POLR2J2: variants seen among roughly 807,000 people sequenced by gnomAD.
The protein encoded by POLR2J2 is DNA-directed RNA polymerase II subunit RPB11-b1.
POLR2J2 carries 3 observed loss-of-function variants against 2.8 expected under a neutral mutation model. The ratio of observed to expected loss-of-function variants is 1.05; its 90% CI spans 0.48 to 2.72. POLR2J2 has a LOEUF of 2.72. POLR2J2 is among the 30% of genes most tolerant of loss of function. The probability of loss-of-function intolerance (pLI) is 0.04; values close to 1 mark genes in which losing one functional copy is unlikely to be tolerated. For synonymous variants in POLR2J2, 4 were observed against 10.9 expected (o/e 0.37, Z 1.25); for missense variants, 9 against 27.8 (o/e 0.32, Z 1.52).
At chr7:102,667,659 T>C (rs1343201260) in intron 2 of POLR2J2, among the ~76,000 whole-genome samples, 2 of 151,882 alleles carry the variant, frequency 1.3e-5, no homozygotes, top group African/African-American at 4.8e-5. Flanking sequence ...CTCCCGGCAG[T>C]GAGTGGAATG....
At position 102,668,888 on chromosome 7, in the gene POLR2J2, C is replaced by T. The variant is rs1562819419; in HGVS notation, c.140+27G>A. The T allele has an allele frequency of 7.1e-6, 3 of 423,188 alleles. 1 individual carries two copies. Among genetic ancestry groups the T allele is most frequent in the East Asian group, 1.1e-4 (2 of 17,748 alleles). 26.2% of individuals were successfully genotyped at this position (423,188 alleles called of 1,614,324 possible). A position where few individuals can be genotyped will look rare whatever the true frequency, so the allele number is the denominator to read the frequency against. ...CCAGAGGGGCCCATTAAACATAGCC[C>T]CTGAGAGCCTGTGACGGGAAACTTA... is the stretch of plus-strand genomic sequence containing the variant. On this transcript the variant is annotated intron_variant, in intron 2 of 2. Transcript: ENST00000358438.
intron 2 of POLR2J2, among the ~76,000 whole-genome samples, chr7:102,667,708 C>T (rs1361469607): frequency 8.5e-5 from 13 of 152,122 alleles, no homozygotes; most frequent in African/African-American, 2.7e-4. Flanking sequence ...CAGCCGCCAG[C>T]GGCTGGCCAC....
exon 3 of POLR2J2, chr7:102,666,419 T>TTGAC (rs1290742944): frequency 1.8e-5 from 1 of 54,068 alleles, no homozygotes; most frequent in African/African-American, 6.5e-5. Context: ...GATTGATTGA[T>TTGAC]TGACTGAGAT....
rs1198538448 is a variant in POLR2J2, at chr7:102,669,006, T to C, written c.51-2A>G. On this transcript the variant is annotated splice_acceptor_variant, in intron 1 of 2. Transcript: ENST00000358438. LOFTEE classifies it high-confidence loss of function. ...TTGGTGTCCTTGTTAATGGTGATCCTAGGAAGACACAGAGGCCACAGATGA... is the reference window on the plus strand; with the variant it reads ...TTGGTGTCCTTGTTAATGGTGATCCCAGGAAGACACAGAGGCCACAGATGA... 16 of 436,564 alleles carry C rather than the reference T, an allele frequency of 3.7e-5. 1 individual carries two copies. Among genetic ancestry groups the C allele is most frequent in the Non-Finnish European group, 5.7e-5 (16 of 279,256 alleles). 27.0% of individuals were successfully genotyped at this position (436,564 alleles called of 1,614,324 possible). A position where few individuals can be genotyped will look rare whatever the true frequency, so the allele number is the denominator to read the frequency against.
At chr7:102,667,753 G>A (rs1206204351) in intron 2 of POLR2J2, among the ~76,000 whole-genome samples, 1 of 152,398 alleles carries the variant, frequency 6.6e-6, no homozygotes, top group African/African-American at 2.4e-5. Flanking sequence ...GCTGCGTCGC[G>A]TACTGTGCCC....
chr7:102,671,633 T>G (rs200198649), upstream of POLR2J2: 76 of 926,740 alleles, frequency 8.2e-5, 3 homozygotes, highest in African/African-American at 3.3e-4. Flanking sequence ...AGACCCCAAG[T>G]GTCCGCCACC....
chr7:102,667,752 C>T (rs376593350), intron 2 of POLR2J2, among the ~76,000 whole-genome samples: 6,520 of 119,248 alleles, frequency 0.055, 1 homozygote, highest in Middle Eastern at 0.092. Context: ...GGCTGCGTCG[C>T]GTACTGTGCC....
chr7:102,671,343 C>A (rs1792081204), intron 1 of POLR2J2: 1 of 321,134 alleles, frequency 3.1e-6, no homozygotes, highest in African/African-American at 2.6e-5. Flanking sequence ...GGGCAACTTG[C>A]TCGCCTCCAA....
Position 102,668,714 on chromosome 7 carries a change from C to G in POLR2J2, c.140+201G>C, listed in dbSNP as rs1447876919. Among the ~76,000 whole-genome samples, 3 of 103,458 alleles carry G rather than the reference C, an allele frequency of 2.9e-5. 1 individual carries two copies. Among genetic ancestry groups the G allele is most frequent in the African/African-American group, 9.9e-5 (3 of 30,270 alleles). The allele number at this position is 103,458 out of a possible 152,430, so 67.9% of individuals were successfully genotyped here. ...GCACGTGTTCATCTACAGAATAAGC[C>G]ACTACAGAAGTGTGGCTTATGTGAA... On this transcript the variant is annotated intron_variant, in intron 2 of 2. Transcript: ENST00000358438.
At chr7:102,667,803 C>T (rs1218366626) in intron 2 of POLR2J2, among the ~76,000 whole-genome samples, 47 of 151,894 alleles carry the variant, frequency 3.1e-4, no homozygotes, top group Non-Finnish European at 5.3e-4. Context: ...CTCAGAGTGG[C>T]GTGAGCACCA....
chr7:102,668,014 G>A (rs2133563482), intron 2 of POLR2J2, among the ~76,000 whole-genome samples: 1 of 150,376 alleles, frequency 6.6e-6, no homozygotes, highest in African/African-American at 2.4e-5. Context: ...AGAGGGAAGA[G>A]CCAAGTCTAC....
intron 1 of POLR2J2, 117 bp downstream of exon 1, chr7:102,671,435 G>C: frequency 1.3e-6 from 1 of 744,406 alleles, no homozygotes; most frequent in Non-Finnish European, 2.0e-6. Context: ...CACAGGCCGA[G>C]CAGACGATCA....
intron 2 of POLR2J2, among the ~76,000 whole-genome samples, chr7:102,667,590 CA>C (rs1792042591): frequency 8.4e-6 from 1 of 119,560 alleles, no homozygotes; most frequent in Non-Finnish European, 1.8e-5. Flanking sequence ...GACTCAGACC[CA>C]AAAAGCCCAC....
At chr7:102,667,791 G>A (rs1437413059) in intron 2 of POLR2J2, among the ~76,000 whole-genome samples, 2 of 152,264 alleles carry the variant, frequency 1.3e-5, no homozygotes, top group South Asian at 2.1e-4. Flanking sequence ...CCTCTAGAGC[G>A]GCTCAGAGTG....
chr7:102,671,333 G>A (rs1469640939), intron 1 of POLR2J2: 1 of 240,082 alleles, frequency 4.2e-6, no homozygotes, highest in African/African-American at 2.8e-5. Context: ...CCTGTGTCCG[G>A]GGCAACTTGC....
intron 2 of POLR2J2, among the ~76,000 whole-genome samples, chr7:102,668,008 G>C (rs1287310692): frequency 6.7e-6 from 1 of 150,300 alleles, no homozygotes; most frequent in Non-Finnish European, 1.5e-5. Flanking sequence ...GGCACCAGAG[G>C]GAAGAGCCAA....
At chr7:102,671,660 T>G, upstream of POLR2J2, 1 of 810,644 alleles carries the variant, frequency 1.2e-6, no homozygotes, top group Non-Finnish European at 1.8e-6. Context: ...ACCAGAGCCC[T>G]AATAAGAGGC....
Sources: gnomAD v4.1 joint callset for allele counts (sites outside exome capture counted in the v4.1 genomes callset) on GRCh38, gnomAD v4.1.1 for gene constraint, MANE v1.5 for transcripts, NCBI Gene and HGNC (gene_info 2026-07-23, HGNC 2026-07-21) for gene names.